Variants in LHFPL2 observed in about 807,000 individuals in gnomAD.
LHFPL2 encodes LHFPL tetraspan subfamily member 2.
Under a neutral mutation model 17.5 loss-of-function variants are expected in LHFPL2, and 7 were observed. The ratio of observed to expected loss-of-function variants is 0.40; its 90% CI spans 0.23 to 0.75. LHFPL2 has a LOEUF of 0.75. LHFPL2 is among the 30% of genes least tolerant of loss of function. LHFPL2 has a pLI of 0.37. For missense variants in LHFPL2, 241 were observed against 294.8 expected, an observed-to-expected ratio of 0.82 and a Z score of 1.34; for synonymous variants, 134 against 116.2, an observed-to-expected ratio of 1.15 and a Z score of -0.99.
chr5:78,625,808 G>C (rs373492020), intron 2 of LHFPL2: 8 of 152,320 alleles, frequency 5.3e-5, no homozygotes, highest in African/African-American at 1.7e-4. Context: ...AGAGCCCCTG[G>C]CCTCACGGGG....
chr5:78,612,276 A>T (rs1224008466), intron 2 of LHFPL2, among the ~76,000 whole-genome samples: 2 of 152,230 alleles, frequency 1.3e-5, no homozygotes, highest in Non-Finnish European at 2.9e-5. Context: ...AATCATCCTG[A>T]TCTTTGCATA....
At chr5:78,626,807 G>A (rs1316422976) in intron 2 of LHFPL2, among the ~76,000 whole-genome samples, 2 of 152,010 alleles carry the variant, frequency 1.3e-5, no homozygotes, top group Admixed American at 1.3e-4. Context: ...CAGGCCTGGC[G>A]CGGTGGTTCA....
chr5:78,535,249 G>A (rs779068688), intron 3 of LHFPL2, among the ~76,000 whole-genome samples: 4 of 152,142 alleles, frequency 2.6e-5, no homozygotes, highest in Non-Finnish European at 5.9e-5. Flanking sequence ...GCACTACGCT[G>A]AGCGCCCACG....
intron 1 of LHFPL2, among the ~76,000 whole-genome samples, chr5:78,636,042 T>G (rs1297623227): frequency 6.6e-6 from 1 of 151,352 alleles, no homozygotes; most frequent in African/African-American, 2.4e-5. Flanking sequence ...ACCAATTAAA[T>G]GAATGGGAAC....
chr5:78,488,760 T>G lies in LHFPL2; in HGVS notation c.*137A>C. On this transcript the variant is annotated 3_prime_UTR_variant, in exon 5 of 5. Coordinates refer to ENST00000380345, the MANE Select transcript of LHFPL2 (RefSeq NM_005779.3). ...TTGCGTAGCTGGATGTGGCCTCTCA[T>G]TGGTCCTGTTTAAGCCTCGGGCCGT... 1 of 907,940 alleles carries G rather than the reference T, an allele frequency of 1.1e-6. No homozygotes were observed. The highest frequency in any genetic ancestry group is 1.7e-6 in the Non-Finnish European group (1 of 585,820). The allele number at this position is 907,940 out of a possible 1,614,324, so 56.2% of individuals were successfully genotyped here. A position where few individuals can be genotyped will look rare whatever the true frequency, so the allele number is the denominator to read the frequency against.
chr5:78,618,260 G>T (rs185894020), intron 2 of LHFPL2, among the ~76,000 whole-genome samples: 1 of 152,090 alleles, frequency 6.6e-6, no homozygotes, highest in Non-Finnish European at 1.5e-5. Context: ...AGAAGCTTCC[G>T]TAGTAAGTTT....
intron 1 of LHFPL2, among the ~76,000 whole-genome samples, chr5:78,640,590 C>G (rs1201623774): frequency 3.3e-5 from 5 of 152,174 alleles, no homozygotes; most frequent in Non-Finnish European, 5.9e-5. Context: ...CAAAATACTT[C>G]CCCAGCTCTT....
intron 1 of LHFPL2, among the ~76,000 whole-genome samples, chr5:78,632,869 A>C (rs1290995729): frequency 5.3e-5 from 8 of 152,316 alleles, no homozygotes; most frequent in Non-Finnish European, 1.2e-4. Flanking sequence ...CCTCAGAGCA[A>C]GTGAGGGCTA....
intron 2 of LHFPL2, among the ~76,000 whole-genome samples, chr5:78,598,872 A>C (rs1291250872): frequency 1.3e-5 from 2 of 152,248 alleles, no homozygotes; most frequent in Non-Finnish European, 2.9e-5. Context: ...GTTATATTTC[A>C]AATAGCATTC....
chr5:78,615,898 T>C (rs1478055382), intron 2 of LHFPL2, among the ~76,000 whole-genome samples: 2 of 152,108 alleles, frequency 1.3e-5, no homozygotes, highest in East Asian at 3.9e-4. Flanking sequence ...CAGTCACAGG[T>C]GACTCACCCA....
intron 3 of LHFPL2, among the ~76,000 whole-genome samples, chr5:78,526,079 T>C (rs1755614434): frequency 6.6e-6 from 1 of 152,076 alleles, no homozygotes; most frequent in Non-Finnish European, 1.5e-5. Context: ...GGCCCCTCAG[T>C]AGGAAACTGA....
intron 4 of LHFPL2, among the ~76,000 whole-genome samples, chr5:78,504,089 T>G (rs995480520): frequency 3.3e-5 from 5 of 152,184 alleles, no homozygotes; most frequent in African/African-American, 7.2e-5. Flanking sequence ...AGTGGTATTT[T>G]AAAACTGATT....
At chr5:78,490,209 T>C (rs751170510) in intron 4 of LHFPL2, among the ~76,000 whole-genome samples, 4 of 152,224 alleles carry the variant, frequency 2.6e-5, no homozygotes, top group Non-Finnish European at 4.4e-5. Flanking sequence ...CTGCTCACTA[T>C]ATAACCAGAA....
At position 78,487,103 on chromosome 5, in the gene LHFPL2, T is replaced by G. The variant is rs1239234076; in HGVS notation, c.*1794A>C. The stretch of plus-strand genomic sequence containing the variant: ...CTTCACCAAAATCACAGGATTTACA[T>G]CTCACTCACTTTGAATTTTGGTTCA... On this transcript the variant is annotated 3_prime_UTR_variant, in exon 5 of 5. Transcript: ENST00000380345. 6.6e-6 allele frequency: 1 copy of G among 152,180 alleles called. No homozygotes were observed. The highest frequency in any genetic ancestry group is 6.5e-5 in the Admixed American group (1 of 15,282). 9.4% of individuals were successfully genotyped at this position (152,180 alleles called of 1,614,324 possible).
chr5:78,489,092 T>C lies in LHFPL2; in HGVS notation c.492A>G (p.Ile164Met). The change falls in exon 5 of 5, where the codon ATA becomes ATG. Residue 164 changes from isoleucine (I) to methionine (M), a missense_variant. Ile to Met is a conservative substitution (Grantham distance 10). Coordinates refer to ENST00000380345, the MANE Select transcript of LHFPL2 (RefSeq NM_005779.3). ...CAGATGCATAATGTCCACAGTAGTC[T>C]ATGGCCTTCTGGCAACCCCAGCCAG... is the stretch of plus-strand genomic sequence containing the variant. ...YPAGWGCQKA[I>M]DYCGHYASAY... 1 of 1,614,208 alleles carries C rather than the reference T, an allele frequency of 6.2e-7. No individual in the cohort carries two copies. Among genetic ancestry groups the C allele is most frequent in the Non-Finnish European group, 8.5e-7 (1 of 1,180,026 alleles).
In LHFPL2 at chr5:78,597,170, C is replaced by G. The variant is rs575815450; in HGVS notation, c.-244-32299G>C. 3.9e-5 allele frequency among the ~76,000 whole-genome samples: 6 copies of G among 152,286 alleles called. No individual in the cohort carries two copies. In the East Asian group the frequency reaches 1.2e-3, roughly 29 times the overall value. On this transcript the variant is annotated intron_variant, in intron 2 of 4. Transcript: ENST00000380345. ...GCTGGGGTGCAGTGGAAACAGCCCA[C>G]GAGCGAGGCGCCAAGAGAGCAGCAG...
At chr5:78,638,755 G>C (rs374701010) in intron 1 of LHFPL2, among the ~76,000 whole-genome samples, 128 of 152,316 alleles carry the variant, frequency 8.4e-4, no homozygotes, top group African/African-American at 2.9e-3. Context: ...CGGGCTGCAT[G>C]TATCAAAGAA....
At chr5:78,590,083 A>G (rs969394151) in intron 2 of LHFPL2, 2 of 152,200 alleles carry the variant, frequency 1.3e-5, no homozygotes, top group African/African-American at 4.8e-5. Context: ...CTTGCCTGCT[A>G]CGAAATGCTC....
At chr5:78,597,159 G>T (rs1211772685) in intron 2 of LHFPL2, among the ~76,000 whole-genome samples, 1 of 152,168 alleles carries the variant, frequency 6.6e-6, no homozygotes, top group Non-Finnish European at 1.5e-5. Context: ...GGGTGCAGTG[G>T]AAACAGCCCA....
Sources: gnomAD v4.1 joint callset for allele counts (sites outside exome capture counted in the v4.1 genomes callset) on GRCh38, gnomAD v4.1.1 for gene constraint, MANE v1.5 for transcripts, NCBI Gene and HGNC (gene_info 2026-07-23, HGNC 2026-07-21) for gene names.